Variants in TMCO5A observed in about 807,000 individuals in gnomAD.
TMCO5A encodes the protein transmembrane and coiled-coil domain-containing protein 5A.
A neutral mutation model predicts 42.3 loss-of-function variants in TMCO5A; 34 were observed. The ratio of observed to expected loss-of-function variants is 0.80; its 90% CI spans 0.61 to 1.07. The LOEUF is 1.07. Among genes scored for constraint, TMCO5A ranks in the 50% least tolerant of loss-of-function variants. The pLI is 0.00. For missense variants in TMCO5A, 357 were observed against 327.9 expected (o/e 1.09, Z -0.69); for synonymous variants, 131 against 115.6 (o/e 1.13, Z -0.86).
downstream of TMCO5A, among the ~76,000 whole-genome samples, chr15:37,952,297 C>T (rs1363430865): frequency 6.6e-6 from 1 of 152,006 alleles, no homozygotes; most frequent in Non-Finnish European, 1.5e-5. Flanking sequence ...CAGCACAGCT[C>T]ATGGCTCCAA....
chr15:37,942,297 C>G (rs1232596932), intron 9 of TMCO5A, 42 bp downstream of exon 9: 5 of 1,586,632 alleles, frequency 3.2e-6, no homozygotes, highest in Non-Finnish European at 4.3e-6. Flanking sequence ...GGTAGAAACT[C>G]CATCTCAGCC....
chr15:37,979,903 ACAGT>A, the TMCO5A span, among the ~76,000 whole-genome samples: 12 of 152,146 alleles, frequency 7.9e-5, no homozygotes, highest in Non-Finnish European at 1.6e-4. Flanking sequence ...CACATGGAAA[ACAGT>A]CTGGCCACTT....
At chr15:38,026,394 T>A in the TMCO5A span, among the ~76,000 whole-genome samples, 1 of 152,198 alleles carries the variant, frequency 6.6e-6, no homozygotes. Flanking sequence ...CCTAGAGATC[T>A]GTGGAACTTT....
intron 11 of TMCO5A, 32 bp downstream of exon 11, chr15:37,947,728 T>A (rs1890014855): frequency 6.7e-7 from 1 of 1,487,320 alleles, no homozygotes; most frequent in Non-Finnish European, 9.3e-7. Flanking sequence ...AAACTTCCTA[T>A]AAAATTGGGA....
the TMCO5A span, among the ~76,000 whole-genome samples, chr15:37,983,397 C>T: frequency 6.6e-6 from 1 of 152,108 alleles, no homozygotes; most frequent in Non-Finnish European, 1.5e-5. Context: ...TGTATCTGGC[C>T]CCAAAGCTTG....
chr15:38,026,209 T>C, the TMCO5A span, among the ~76,000 whole-genome samples: 2 of 152,120 alleles, frequency 1.3e-5, no homozygotes, highest in Non-Finnish European at 2.9e-5. Context: ...GTGGGGAAGT[T>C]TGGAACTTCC....
the TMCO5A span, among the ~76,000 whole-genome samples, chr15:37,973,232 C>T: frequency 1.3e-5 from 2 of 148,860 alleles, no homozygotes; most frequent in African/African-American, 5.0e-5. Flanking sequence ...AATGTGATGT[C>T]TCCAGCTTTG....
At chr15:37,964,018 T>C (rs556126794) in intron 11 of TMCO5A, among the ~76,000 whole-genome samples, 2 of 152,250 alleles carry the variant, frequency 1.3e-5, no homozygotes, top group East Asian at 3.9e-4. Flanking sequence ...ATTTTTTTTC[T>C]TGGTTTGAAT....
chr15:37,953,329 C>A (rs1445640715), downstream of TMCO5A, among the ~76,000 whole-genome samples: 2 of 152,144 alleles, frequency 1.3e-5, no homozygotes, highest in African/African-American at 4.8e-5. Context: ...CACAGAGGTA[C>A]TTGTGTTACA....
At chr15:37,966,347 C>A (rs114397646) in intron 11 of TMCO5A, among the ~76,000 whole-genome samples, 2,438 of 151,628 alleles carry the variant, frequency 0.016, 74 homozygotes, top group African/African-American at 0.056. Context: ...TCATCGATAA[C>A]AATTTAATTA....
chr15:37,960,828 T>C (rs1007410803), intron 11 of TMCO5A, among the ~76,000 whole-genome samples: 5 of 152,218 alleles, frequency 3.3e-5, no homozygotes, highest in African/African-American at 1.2e-4. Context: ...TTGTATATCT[T>C]CTTTTGAGAA....
At chr15:37,991,402 A>C in the TMCO5A span, among the ~76,000 whole-genome samples, 2 of 152,170 alleles carry the variant, frequency 1.3e-5, no homozygotes, top group Middle Eastern at 3.4e-3. Flanking sequence ...TTGGCTTCTC[A>C]CAGTTTGATT....
At chr15:37,953,920 G>A (rs749080237), downstream of TMCO5A, among the ~76,000 whole-genome samples, 2 of 151,886 alleles carry the variant, frequency 1.3e-5, no homozygotes, top group Non-Finnish European at 2.9e-5. Flanking sequence ...TTAGCATAAT[G>A]AAGAATACAC....
At chr15:38,019,475 A>C in the TMCO5A span, among the ~76,000 whole-genome samples, 1 of 152,152 alleles carries the variant, frequency 6.6e-6, no homozygotes. Flanking sequence ...TAGACTTTAC[A>C]TTTTAGAACA....
chr15:37,961,580 A>ATG (rs1555406584), intron 11 of TMCO5A, among the ~76,000 whole-genome samples: 2 of 150,516 alleles, frequency 1.3e-5, no homozygotes, highest in African/African-American at 2.4e-5. Context: ...GTGAAGAATG[A>ATG]TGGTATTTTG....
Position 37,943,330 on chromosome 15 carries a change from T to C in TMCO5A, c.570-11T>C, listed in dbSNP as rs1889819704. Reference sequence around the variant, plus strand: ...TTTGTTCAATTTCTGTCCTGGCTGTTATCTTCATAGATCAAAACTCGTGAG... The same window carrying C: ...TTTGTTCAATTTCTGTCCTGGCTGTCATCTTCATAGATCAAAACTCGTGAG... On this transcript the variant is annotated splice_polypyrimidine_tract_variant and intron_variant, in intron 9 of 11. Transcript: ENST00000319669. 1 of 1,611,602 alleles carries C rather than the reference T, an allele frequency of 6.2e-7. No homozygotes were observed. Among genetic ancestry groups the C allele is most frequent in the Non-Finnish European group, 8.5e-7 (1 of 1,178,850 alleles).
At chr15:37,942,414 C>G in intron 9 of TMCO5A, 159 bp downstream of exon 9, 1 of 618,468 alleles carries the variant, frequency 1.6e-6, no homozygotes. Flanking sequence ...CCCAGTAGAT[C>G]ACACCAACTT....
the TMCO5A span, among the ~76,000 whole-genome samples, chr15:37,998,667 C>T: frequency 6.6e-6 from 1 of 151,880 alleles, no homozygotes; most frequent in African/African-American, 2.4e-5. Context: ...CCCAGGATGG[C>T]TTTGACTGTT....
chr15:38,014,563 G>T, the TMCO5A span, among the ~76,000 whole-genome samples: 1 of 152,086 alleles, frequency 6.6e-6, no homozygotes, highest in Admixed American at 6.6e-5. Context: ...TACTTCAATT[G>T]TCTTCCAAGA....
Sources: allele counts gnomAD v4.1 joint callset (sites outside exome capture counted in the v4.1 genomes callset), GRCh38; gene constraint gnomAD v4.1.1; transcripts MANE v1.5; gene names NCBI Gene and HGNC (gene_info 2026-07-23, HGNC 2026-07-21).